Variants in SYNM observed in about 807,000 individuals in gnomAD.
SYNM encodes the protein desmuslin.
A neutral mutation model predicts 104.0 loss-of-function variants in SYNM; 95 were observed. The observed-to-expected ratio is 0.91, with a 90% CI of 0.77 to 1.08. The LOEUF is 1.08. Ranked by LOEUF, SYNM falls within the 50% of genes least tolerant of loss-of-function variation. SYNM has a pLI of 0.00. For synonymous variants in SYNM, 918 were observed against 869.0 expected (o/e 1.06, Z -0.99); for missense variants, 2,150 against 2,052.2 (o/e 1.05, Z -0.92).
At chr15:99,113,456 A>T in intron 1 of SYNM, 135 bp from the exon 2 acceptor site, 1 of 1,125,770 alleles carries the variant, frequency 8.9e-7, no homozygotes, top group Non-Finnish European at 1.3e-6. Context: ...CTGCATGTTT[A>T]ATAACGCCGG....
Position 99,105,440 on chromosome 15 carries a change from G to A in SYNM, c.241G>A (p.Ala81Thr), listed in dbSNP as rs2067222719. 4.2e-6 allele frequency: 6 copies of A among 1,443,450 alleles called. No homozygotes were observed. In the Admixed American group the frequency reaches 1.1e-4, roughly 25 times the overall value. 89.4% of individuals were successfully genotyped at this position (1,443,450 alleles called of 1,614,324 possible). ...LDELSWATALAEGERDALRRE... is the reference protein window; with the variant it reads ...LDELSWATALTEGERDALRRE... ...CGAGCTGAGCTGGGCCACTGCGCTG[G>A]CGGAGGGCGAGCGGGACGCTCTGCG... The change falls in exon 1 of 4, where the codon GCG becomes ACG. Residue 81 changes from alanine to threonine, a missense_variant. Transcript: ENST00000336292.
At chr15:99,122,674 A>G (rs2067411940) in intron 2 of SYNM, among the ~76,000 whole-genome samples, 1 of 151,996 alleles carries the variant, frequency 6.6e-6, no homozygotes, top group Non-Finnish European at 1.5e-5. Context: ...CATCTCTACA[A>G]ACGATACAAA....
downstream of SYNM, chr15:99,138,005 G>A (rs200981535): frequency 6.2e-7 from 1 of 1,614,110 alleles, no homozygotes; most frequent in South Asian, 1.1e-5. Flanking sequence ...TTCAGGGTGG[G>A]GGCCTCAGTC....
intron 1 of SYNM, among the ~76,000 whole-genome samples, chr15:99,107,939 G>T (rs118119592): frequency 1.6e-4 from 19 of 115,234 alleles, no homozygotes; most frequent in African/African-American, 7.0e-4. Context: ...TTTTTTTTTT[G>T]TTTTTTGTTT....
rs782547990 is a variant in SYNM, at chr15:99,130,957, A to G, written c.2597A>G (p.Gln866Arg). Residue 866 changes from glutamine (Q) to arginine (R), a missense_variant, in exon 4 of 4, where the codon CAG becomes CGG. Physicochemically the swap from Gln to Arg is conservative, Grantham distance 43 (BLOSUM62 1). Transcript: ENST00000336292. ...GAATCCACCATCAGGTACTCTTGGC[A>G]GGATGAAATCGTGCAGGGGACTCGA... ...EEESTIRYSW[Q>R]DEIVQGTRRR... The G allele has an allele frequency of 6.2e-7, 1 of 1,613,880 alleles. No homozygotes were observed. The highest frequency in any genetic ancestry group is 2.2e-5 in the East Asian group (1 of 44,870).
intron 1 of SYNM, among the ~76,000 whole-genome samples, chr15:99,112,679 G>A (rs2067309769): frequency 6.6e-6 from 1 of 152,170 alleles, no homozygotes; most frequent in Non-Finnish European, 1.5e-5. Context: ...TAGCTGCACT[G>A]TGCAATTACG....
intron 1 of SYNM, among the ~76,000 whole-genome samples, chr15:99,108,696 A>C (rs2067272232): frequency 6.6e-6 from 1 of 152,182 alleles, no homozygotes; most frequent in Non-Finnish European, 1.5e-5. Flanking sequence ...TTTACAGAGG[A>C]GGAAGCTGAG....
At chr15:99,140,333 C>T (rs1406386538), downstream of SYNM, 1 of 151,994 alleles carries the variant, frequency 6.6e-6, no homozygotes, top group Non-Finnish European at 1.5e-5. Context: ...GTGTGAAATG[C>T]AAAACTTGGA....
At chr15:99,137,843 T>C, downstream of SYNM, 1 of 1,060,216 alleles carries the variant, frequency 9.4e-7, no homozygotes, top group Non-Finnish European at 1.3e-6. Flanking sequence ...TGTCAAAATG[T>C]GGCCCACGGG....
At chr15:99,137,710 A>C, downstream of SYNM, 2 of 370,670 alleles carry the variant, frequency 5.4e-6, no homozygotes, top group Non-Finnish European at 5.0e-6. Context: ...GGCGCACTGA[A>C]CTGTTGAAGA....
intron 1 of SYNM, among the ~76,000 whole-genome samples, chr15:99,112,707 ATTTATTTTTAT>A (rs1431167594): frequency 6.6e-6 from 1 of 152,054 alleles, no homozygotes; most frequent in Admixed American, 6.6e-5. Flanking sequence ...AAGCAGTTTT[ATTTATTTTTAT>A]TTTATTTTTT....
downstream of SYNM, chr15:99,138,042 C>G: frequency 1.2e-6 from 2 of 1,614,068 alleles, no homozygotes; most frequent in Middle Eastern, 1.7e-4. Flanking sequence ...CGGGCCTTCC[C>G]CAGCAGGGTG....
Position 99,131,813 on chromosome 15 carries a change from G to C in SYNM, c.3453G>C (p.Glu1151Asp). 6.2e-7 allele frequency: 1 copy of C among 1,613,956 alleles called. No homozygotes were observed. The highest frequency in any genetic ancestry group is 8.5e-7 in the Non-Finnish European group (1 of 1,179,908). Residue 1151 changes from glutamate to aspartate, a missense_variant, in exon 4 of 4, where the codon GAG becomes GAC. Physicochemically the swap from Glu to Asp is conservative, Grantham distance 45 (BLOSUM62 2). Transcript: ENST00000336292. This position sits in a 1 kb window ranked among gnomAD's most constrained non-coding sequence, Gnocchi z 4.3. Reference protein sequence around the residue: ...SYEGPTAEVVEVSAGGDLSQA... With the variant: ...SYEGPTAEVVDVSAGGDLSQA... ...AAGGACCCACTGCAGAAGTGGTGGA[G>C]GTAAGTGCGGGAGGTGACCTAAGTC... is the stretch of plus-strand genomic sequence containing the variant.
chr15:99,113,847 G>A, intron 2 of SYNM, 132 bp downstream of exon 2: 1 of 1,369,396 alleles, frequency 7.3e-7, no homozygotes, highest in Non-Finnish European at 9.8e-7. Context: ...GCAGCCCTTG[G>A]CATGGCCAGG....
rs2067474977 is a variant in SYNM, at chr15:99,129,311, T to C, written c.1007-56T>C. The C allele has an allele frequency of 9.5e-6, 15 of 1,582,406 alleles. No homozygotes were observed. The South Asian group carries it at 1.7e-4, about 18-fold the overall frequency. The stretch of plus-strand genomic sequence containing the variant: ...TTTGGCCTGCAACAATGCTTGTAGA[T>C]GGAAAAGGGTAATGATGACTGTCAT... On this transcript the variant is annotated intron_variant, in intron 3 of 3. Transcript: ENST00000336292.
In SYNM at chr15:99,105,886, G is replaced by A. The variant is rs782458458; in HGVS notation, c.687G>A (p.Leu229=). 7.8e-6 allele frequency: 12 copies of A among 1,539,108 alleles called. No individual in the cohort carries two copies. The highest frequency in any genetic ancestry group is 9.6e-6 in the Non-Finnish European group (11 of 1,145,944). ...TCCAGGCGGAGGAAGAGACGCGGCT[G>A]TGCGCGCAGGAGGCAGAGGCGCTGC... The part of the protein sequence containing the change: ...SRLQAEEETR[L]CAQEAEALRR... The change falls in exon 1 of 4, where the codon CTG becomes CTA. Residue 229 remains leucine (L), a synonymous_variant. Transcript: ENST00000336292.
chr15:99,128,170 G>C (rs1555485228), intron 3 of SYNM, among the ~76,000 whole-genome samples: 1 of 152,174 alleles, frequency 6.6e-6, no homozygotes, highest in Non-Finnish European at 1.5e-5. Flanking sequence ...TGAGCTTCTA[G>C]ATAGTTCTGT....
At chr15:99,106,350 A>G (rs1306028533) in intron 1 of SYNM, among the ~76,000 whole-genome samples, 1 of 152,144 alleles carries the variant, frequency 6.6e-6, no homozygotes, top group Non-Finnish European at 1.5e-5. Flanking sequence ...TGCTCCGTAG[A>G]CTCAGTAGAC....
chr15:99,114,175 T>G (rs551066395), intron 2 of SYNM, among the ~76,000 whole-genome samples: 2 of 152,296 alleles, frequency 1.3e-5, no homozygotes, highest in Admixed American at 6.5e-5. Context: ...TTTAATTGAC[T>G]CACAGTTATT....
Sources: allele counts gnomAD v4.1 joint callset (sites outside exome capture counted in the v4.1 genomes callset), GRCh38; gene constraint gnomAD v4.1.1; non-coding constraint Gnocchi (gnomAD v3.1); transcripts MANE v1.5; gene names NCBI Gene and HGNC (gene_info 2026-07-23, HGNC 2026-07-21).